Variants in EHD3 observed in about 807,000 individuals in gnomAD.
EHD3 encodes EH domain containing 3.
In EHD3, 17 loss-of-function variants were observed where a neutral mutation model predicts 43.0. That is an observed-to-expected ratio of 0.40 (90% CI 0.27 to 0.59). EHD3 has a LOEUF of 0.59. Among genes scored for constraint, EHD3 ranks in the 20% least tolerant of loss-of-function variants. The pLI is 0.49. For missense variants in EHD3, 594 were observed against 705.6 expected (o/e 0.84, Z 1.79); for synonymous variants, 313 against 289.5 (o/e 1.08, Z -0.82).
At chr2:31,262,191 T>A (rs1005662058) in intron 5 of EHD3, among the ~76,000 whole-genome samples, 1 of 152,200 alleles carries the variant, frequency 6.6e-6, no homozygotes, top group Non-Finnish European at 1.5e-5. Context: ...TGCAGGTGCC[T>A]ATCTTGGGCC....
intron 1 of EHD3, among the ~76,000 whole-genome samples, chr2:31,238,143 G>A (rs1683356020): frequency 1.3e-5 from 2 of 152,306 alleles, no homozygotes; most frequent in South Asian, 4.1e-4. Flanking sequence ...CCGAGAGGGT[G>A]AGTTGACACT....
intron 1 of EHD3, among the ~76,000 whole-genome samples, chr2:31,237,797 G>A (rs1326267486): frequency 6.6e-6 from 1 of 152,102 alleles, no homozygotes; most frequent in Non-Finnish European, 1.5e-5. Context: ...TTCACTATTT[G>A]TATATACAAT....
Position 31,266,443 on chromosome 2 carries a change from C to A in EHD3, c.1347C>A (p.Asp449Glu), listed in dbSNP as rs61745772. The part of the protein sequence containing the change: ...WVVARDKPMY[D>E]EIFYTLSPVD... The stretch of plus-strand genomic sequence containing the variant: ...TGGCCAGGGACAAGCCCATGTACGA[C>A]GAGATCTTCTACACCCTGTCACCGG... The change falls in exon 6 of 6, where the codon GAC becomes GAA. Residue 449 changes from aspartate (D) to glutamate (E), a missense_variant. Physicochemically the swap from Asp to Glu is conservative, Grantham distance 45 (BLOSUM62 2). Around this residue, in one of 3 missense-constraint regions of EHD3, gnomAD observed 322 missense variants for 348.0 expected, o/e 0.93. Transcript: ENST00000322054. This position sits in a 1 kb window ranked among gnomAD's most constrained non-coding sequence, Gnocchi z 5.1. 4 of 1,613,922 alleles carry A rather than the reference C, an allele frequency of 2.5e-6. No homozygotes were observed. The highest frequency in any genetic ancestry group is 2.7e-5 in the African/African-American group (2 of 74,880).
rs1370578656 is a variant in EHD3 at position 31,268,278 on chromosome 2, A to G, written c.*1574A>G. Reference sequence around the variant, plus strand: ...ATGGAAAACAAAATGAGTATAACTTATTTTATATCCATATTCAGACTATAT... The same window carrying G: ...ATGGAAAACAAAATGAGTATAACTTGTTTTATATCCATATTCAGACTATAT... On this transcript the variant is annotated 3_prime_UTR_variant, in exon 6 of 6. Transcript: ENST00000322054. 1 of 152,642 alleles carries G rather than the reference A, an allele frequency of 6.6e-6. No individual in the cohort carries two copies. The highest frequency in any genetic ancestry group is 2.4e-5 in the African/African-American group (1 of 41,456). 9.5% of individuals were successfully genotyped at this position (152,642 alleles called of 1,614,324 possible).
At position 31,234,359 on chromosome 2, in the gene EHD3, C is replaced by T; in HGVS notation, c.-263C>T. 2.0e-6 allele frequency: 1 copy of T among 500,702 alleles called. No homozygotes were observed. The highest frequency in any genetic ancestry group is 3.6e-6 in the Non-Finnish European group (1 of 277,718). 31.0% of individuals were successfully genotyped at this position (500,702 alleles called of 1,614,324 possible). A position where few individuals can be genotyped will look rare whatever the true frequency, so the allele number is the denominator to read the frequency against. On this transcript the variant is annotated 5_prime_UTR_variant, in exon 1 of 6. Coordinates refer to ENST00000322054, the MANE Select transcript of EHD3 (RefSeq NM_014600.3). ...TTCAACTTTAATTGCCAAGATTTCA[C>T]CCCTCCTCCTCAAGCCCAGATTATT...
At chr2:31,249,301 T>C in intron 2 of EHD3, 70 bp from the exon 3 acceptor site, 2 of 1,362,802 alleles carry the variant, frequency 1.5e-6, no homozygotes, top group Non-Finnish European at 2.1e-6. Context: ...ACAAGACAGG[T>C]GGTTGGAGTC....
At chr2:31,248,875 C>G (rs1214361323) in intron 2 of EHD3, among the ~76,000 whole-genome samples, 2 of 152,140 alleles carry the variant, frequency 1.3e-5, no homozygotes, top group Non-Finnish European at 2.9e-5. Flanking sequence ...TGGGACAGAC[C>G]CTTGAAGTCC....
At chr2:31,237,991 G>T (rs77352174) in intron 1 of EHD3, among the ~76,000 whole-genome samples, 7 of 151,442 alleles carry the variant, frequency 4.6e-5, no homozygotes, top group African/African-American at 7.3e-5. Context: ...GTGTGTGTGT[G>T]TTTTTTTTGT....
chr2:31,253,272 A>ACACG (rs970380195), intron 3 of EHD3, among the ~76,000 whole-genome samples: 1 of 151,220 alleles, frequency 6.6e-6, no homozygotes, highest in Non-Finnish European at 1.5e-5. Flanking sequence ...ACACACACAC[A>ACACG]CACACACAAA....
chr2:31,266,094 T>C lies in EHD3; in HGVS notation c.1081-83T>C. 2 of 1,478,428 alleles carry C rather than the reference T, an allele frequency of 1.4e-6. No homozygotes were observed. Among genetic ancestry groups the C allele is most frequent in the Non-Finnish European group, 1.8e-6 (2 of 1,097,220 alleles). The allele number at this position is 1,478,428 out of a possible 1,614,324, so 91.6% of individuals were successfully genotyped here. A position where few individuals can be genotyped will look rare whatever the true frequency, so the allele number is the denominator to read the frequency against. On this transcript the variant is annotated intron_variant, in intron 5 of 5. Coordinates refer to ENST00000322054, the MANE Select transcript of EHD3 (RefSeq NM_014600.3). This position sits in a 1 kb window ranked among gnomAD's most constrained non-coding sequence, Gnocchi z 5.1. Reference sequence around the variant, plus strand: ...AGAAAGGGATCAGCTGTGAACATTCTGGTGCTCATAGGAGGCACGTGATAA... The same window carrying C: ...AGAAAGGGATCAGCTGTGAACATTCCGGTGCTCATAGGAGGCACGTGATAA...
chr2:31,247,667 C>T lies in EHD3; in HGVS notation c.405-1704C>T, dbSNP rs537503461. The stretch of plus-strand genomic sequence containing the variant: ...ACACCAGGCCCCTAGCGGCCTTGGG[C>T]TCTATTCTGTGGGGGAATATAAGGC... On this transcript the variant is annotated intron_variant, in intron 2 of 5. Transcript: ENST00000322054. Among the ~76,000 whole-genome samples the T allele has an allele frequency of 3.5e-4, 54 of 152,290 alleles. 2 individuals are homozygous for T. The East Asian group carries it at 9.8e-3, about 28-fold the overall frequency.
Position 31,269,060 on chromosome 2 carries a change from C to T in EHD3, c.*2356C>T, listed in dbSNP as rs936880083. 3 of 152,222 alleles carry T rather than the reference C, an allele frequency of 2.0e-5. No individual in the cohort carries two copies. Among genetic ancestry groups the T allele is most frequent in the African/African-American group, 7.2e-5 (3 of 41,444 alleles). The allele number at this position is 152,222 out of a possible 1,614,324, so 9.4% of individuals were successfully genotyped here. Reference sequence around the variant, plus strand: ...GAGGGGACAGATGTGGGTCACTTTCCCTGGCAGTGCCCTCTAGCCTTGCTG... The same window carrying T: ...GAGGGGACAGATGTGGGTCACTTTCTCTGGCAGTGCCCTCTAGCCTTGCTG... On this transcript the variant is annotated 3_prime_UTR_variant, in exon 6 of 6. Transcript: ENST00000322054.
In EHD3 at chr2:31,234,669, G is replaced by A; in HGVS notation, c.48G>A (p.Glu16=). The stretch of plus-strand genomic sequence containing the variant: ...ACGACCGCCGGAGGAAGGACCCCGA[G>A]GTTTTCCAGACGGTGAGTGAGGGGC... ...GTDDRRRKDP[E]VFQTVSEGLK... Residue 16 remains glutamate, a synonymous_variant, in exon 1 of 6, where the codon GAG becomes GAA. Transcript: ENST00000322054. The A allele has an allele frequency of 3.7e-6, 6 of 1,614,176 alleles. No individual in the cohort carries two copies. In the South Asian group the frequency reaches 5.5e-5, roughly 15 times the overall value.
chr2:31,234,343 A>C lies in EHD3; in HGVS notation c.-279A>C. On this transcript the variant is annotated 5_prime_UTR_variant, in exon 1 of 6. Coordinates refer to ENST00000322054, the MANE Select transcript of EHD3 (RefSeq NM_014600.3). Reference sequence around the variant, plus strand: ...GCAGTTTCCTTGCAGGTTCAACTTTAATTGCCAAGATTTCACCCCTCCTCC... The same window carrying C: ...GCAGTTTCCTTGCAGGTTCAACTTTCATTGCCAAGATTTCACCCCTCCTCC... 1 of 444,540 alleles carries C rather than the reference A, an allele frequency of 2.2e-6. No individual in the cohort carries two copies. The highest frequency in any genetic ancestry group is 4.1e-6 in the Non-Finnish European group (1 of 243,780). 27.5% of individuals were successfully genotyped at this position (444,540 alleles called of 1,614,324 possible).
chr2:31,250,098 T>C (rs1297329407), intron 3 of EHD3, among the ~76,000 whole-genome samples: 3 of 23,062 alleles, frequency 1.3e-4, no homozygotes, highest in Non-Finnish European at 1.5e-4. Context: ...GTCTGAAAAA[T>C]GGTGTGGGGC....
At chr2:31,249,948 A>G (rs1324930619) in intron 3 of EHD3, among the ~76,000 whole-genome samples, 1 of 152,190 alleles carries the variant, frequency 6.6e-6, no homozygotes, top group African/African-American at 2.4e-5. Context: ...TAAATACAGG[A>G]TAATTGCTCA....
At chr2:31,255,256 T>C (rs528269117) in intron 3 of EHD3, among the ~76,000 whole-genome samples, 2 of 152,274 alleles carry the variant, frequency 1.3e-5, no homozygotes, top group East Asian at 3.9e-4. Context: ...TAGTCCATAT[T>C]TCATGAACAC....
In EHD3 at chr2:31,261,486, C is replaced by T; in HGVS notation, c.916-63C>T. 5 of 1,582,170 alleles carry T rather than the reference C, an allele frequency of 3.2e-6. No homozygotes were observed. The South Asian group carries it at 5.8e-5, about 18-fold the overall frequency. Reference sequence around the variant, plus strand: ...GGGGAAGGAATGATGCAAGAGCCATCCTAGAAGGAAGGGACCGTCCAGGGT... The same window carrying T: ...GGGGAAGGAATGATGCAAGAGCCATTCTAGAAGGAAGGGACCGTCCAGGGT... On this transcript the variant is annotated intron_variant, in intron 4 of 5. Transcript: ENST00000322054.
In EHD3 at chr2:31,260,414, C is replaced by A; in HGVS notation, c.503-96C>A. On this transcript the variant is annotated intron_variant, in intron 3 of 5. Transcript: ENST00000322054. The surrounding 1 kb of genome is among the most constrained non-coding windows in gnomAD (Gnocchi z 4.6). Reference sequence around the variant, plus strand: ...CAGGATTTAAACTTAGATCTGACTCCCAAGACTGTGTTATTTCTACCACAC... The same window carrying A: ...CAGGATTTAAACTTAGATCTGACTCACAAGACTGTGTTATTTCTACCACAC... The A allele has an allele frequency of 7.7e-7, 1 of 1,293,562 alleles. No individual in the cohort carries two copies. Among genetic ancestry groups the A allele is most frequent in the South Asian group, 1.6e-5 (1 of 64,208 alleles). 80.1% of individuals were successfully genotyped at this position (1,293,562 alleles called of 1,614,324 possible).
Sources: gnomAD v4.1 joint callset for allele counts (sites outside exome capture counted in the v4.1 genomes callset) on GRCh38, gnomAD v4.1.1 for gene constraint, gnomAD v4.1.1 regional missense constraint, Gnocchi (gnomAD v3.1) non-coding constraint, MANE v1.5 for transcripts, NCBI Gene and HGNC (gene_info 2026-07-23, HGNC 2026-07-21) for gene names.